Variants in PDE7A observed in about 807,000 individuals in gnomAD.
PDE7A encodes the protein phosphodiesterase 7A.
A neutral mutation model predicts 64.3 loss-of-function variants in PDE7A; 39 were observed. That is an observed-to-expected ratio of 0.61 (90% CI 0.47 to 0.79). The LOEUF is 0.79. Ranked by LOEUF, PDE7A falls within the 30% of genes least tolerant of loss-of-function variation. The pLI, the probability that PDE7A is intolerant of heterozygous loss-of-function variation, is 0.00. For missense variants in PDE7A, 470 were observed against 582.8 expected (o/e 0.81, Z 1.99); for synonymous variants, 203 against 206.8 (o/e 0.98, Z 0.16).
intron 5 of PDE7A, among the ~76,000 whole-genome samples, chr8:65,741,333 TAA>T (rs2128902670): frequency 6.6e-6 from 1 of 152,244 alleles, no homozygotes; most frequent in South Asian, 2.1e-4. Context: ...CAAAAATGTA[TAA>T]AAGACATACT....
intron 1 of PDE7A, among the ~76,000 whole-genome samples, chr8:65,834,372 A>T (rs1315064701): frequency 2.6e-5 from 4 of 152,204 alleles, no homozygotes. Flanking sequence ...TCAACTGTTT[A>T]TGTTATCAGT....
Position 65,841,560 on chromosome 8 carries a change from G to GCT in PDE7A, c.-53_-52insAG. On this transcript the variant is annotated 5_prime_UTR_variant, in exon 1 of 13. Coordinates refer to ENST00000401827, the MANE Select transcript of PDE7A (RefSeq NM_001242318.3). The stretch of plus-strand genomic sequence containing the variant: ...GGCGCCCGCCCTGCCGCGGCCGCCG[G>GCT]CCCCTGCAGTGGGAGGGGGCCGCGG... 2 of 1,249,776 alleles carry GCT rather than the reference G, an allele frequency of 1.6e-6. No individual in the cohort carries two copies. Among genetic ancestry groups the GCT allele is most frequent in the Non-Finnish European group, 1.0e-6 (1 of 971,072 alleles). The allele number at this position is 1,249,776 out of a possible 1,614,324, so 77.4% of individuals were successfully genotyped here.
At chr8:65,735,793 T>G (rs1807105490) in intron 6 of PDE7A, among the ~76,000 whole-genome samples, 1 of 152,096 alleles carries the variant, frequency 6.6e-6, no homozygotes, top group Non-Finnish European at 1.5e-5. Flanking sequence ...GCTCGGCTAA[T>G]TTTTGTATTT....
chr8:65,793,273 A>G (rs1011726800), intron 1 of PDE7A, among the ~76,000 whole-genome samples: 2 of 152,192 alleles, frequency 1.3e-5, no homozygotes, highest in Non-Finnish European at 2.9e-5. Flanking sequence ...CTTGTTCCAC[A>G]GTTTATTTAC....
chr8:65,739,341 C>T (rs915648427), intron 6 of PDE7A, among the ~76,000 whole-genome samples, 161 bp downstream of exon 6: 2 of 152,126 alleles, frequency 1.3e-5, no homozygotes, highest in Non-Finnish European at 2.9e-5. Context: ...ATTTAACAGC[C>T]CCACAGATGC....
At chr8:65,839,723 T>C (rs1563527266) in intron 1 of PDE7A, among the ~76,000 whole-genome samples, 3 of 152,180 alleles carry the variant, frequency 2.0e-5, no homozygotes, top group South Asian at 2.1e-4. Flanking sequence ...CCATTACCCA[T>C]TTAAACCTAA....
chr8:65,755,361 G>C (rs1808177878), intron 3 of PDE7A, among the ~76,000 whole-genome samples: 1 of 151,988 alleles, frequency 6.6e-6, no homozygotes, highest in East Asian at 1.9e-4. Flanking sequence ...GTTTTGTTTT[G>C]TTTTGTTTGT....
rs895963961 is a variant in PDE7A at position 65,816,903 on chromosome 8, A to T, written c.138+24468T>A. 4.6e-5 allele frequency among the ~76,000 whole-genome samples: 7 copies of T among 152,328 alleles called. No individual in the cohort carries two copies. The South Asian group carries it at 1.4e-3, about 32-fold the overall frequency. On this transcript the variant is annotated intron_variant, in intron 1 of 12. Coordinates refer to ENST00000401827, the MANE Select transcript of PDE7A (RefSeq NM_001242318.3). ...CATCAAATATGAGAAGTTGTCCAAA[A>T]GGTCATTTTTCTGACCCTTTCTCCT... is the stretch of plus-strand genomic sequence containing the variant.
chr8:65,776,702 C>T (rs1312102137), intron 3 of PDE7A, among the ~76,000 whole-genome samples: 2 of 152,136 alleles, frequency 1.3e-5, no homozygotes, highest in Non-Finnish European at 2.9e-5. Flanking sequence ...GTCACTGTTA[C>T]TTTACAGAAC....
Position 65,782,765 on chromosome 8 carries a change from AAAAT to A in PDE7A, c.199+14_199+17del, listed in dbSNP as rs773495121. 10 of 1,441,038 alleles carry A rather than the reference AAAAT, an allele frequency of 6.9e-6. No individual in the cohort carries two copies. Among genetic ancestry groups the A allele is most frequent in the African/African-American group, 2.8e-5 (2 of 70,716 alleles). 89.3% of individuals were successfully genotyped at this position (1,441,038 alleles called of 1,614,324 possible). ...TAACAAAATTAACTGATATTGGTAT[AAAAT>A]AAATAATGCTTACCTAGCATACGAA... On this transcript the variant is annotated intron_variant, in intron 2 of 12. Coordinates refer to ENST00000401827, the MANE Select transcript of PDE7A (RefSeq NM_001242318.3).
intron 3 of PDE7A, among the ~76,000 whole-genome samples, chr8:65,751,007 T>C (rs540195559): frequency 1.3e-5 from 2 of 152,334 alleles, no homozygotes; most frequent in South Asian, 4.1e-4. Context: ...GGACCTTCAC[T>C]TAATGATATA....
chr8:65,769,059 C>A (rs1455177709), intron 3 of PDE7A, among the ~76,000 whole-genome samples: 2 of 151,862 alleles, frequency 1.3e-5, no homozygotes, highest in Non-Finnish European at 2.9e-5. Flanking sequence ...ACCAGCCTGG[C>A]CAACATGGTG....
chr8:65,743,933 A>G (rs1379550206), intron 5 of PDE7A, among the ~76,000 whole-genome samples: 3 of 151,590 alleles, frequency 2.0e-5, no homozygotes, highest in Non-Finnish European at 4.4e-5. Flanking sequence ...CCCAGATTCA[A>G]GCAATTCTCC....
intron 1 of PDE7A, among the ~76,000 whole-genome samples, chr8:65,799,473 A>G (rs1238740330): frequency 6.6e-6 from 1 of 152,230 alleles, no homozygotes; most frequent in African/African-American, 2.4e-5. Flanking sequence ...TCTAGGTCCC[A>G]GAGTGGAATG....
intron 1 of PDE7A, chr8:65,788,853 T>C (rs1374073974): frequency 1.4e-6 from 2 of 1,426,748 alleles, no homozygotes; most frequent in African/African-American, 2.8e-5. Context: ...ATGATGAATG[T>C]CACCATCCTA....
chr8:65,716,303 T>G lies in PDE7A; in HGVS notation c.*2987A>C, dbSNP rs1806143799. ...TGGAAATAGGATGATCTTTTCAGTT[T>G]CAAACTATAAGAGAAACAATGGATC... On this transcript the variant is annotated 3_prime_UTR_variant, in exon 13 of 13. Transcript: ENST00000401827. Among the ~76,000 whole-genome samples, 1 of 152,124 alleles carries G rather than the reference T, an allele frequency of 6.6e-6. No homozygotes were observed. The highest frequency in any genetic ancestry group is 1.5e-5 in the Non-Finnish European group (1 of 68,028).
At chr8:65,800,825 G>A (rs1431772200) in intron 1 of PDE7A, among the ~76,000 whole-genome samples, 1 of 152,174 alleles carries the variant, frequency 6.6e-6, no homozygotes, top group Non-Finnish European at 1.5e-5. Context: ...AGGGCTTAAA[G>A]TTTCGTCCAG....
intron 6 of PDE7A, among the ~76,000 whole-genome samples, 182 bp from the exon 7 acceptor site, chr8:65,735,076 A>G (rs1444620374): frequency 1.3e-5 from 2 of 152,176 alleles, no homozygotes; most frequent in Non-Finnish European, 2.9e-5. Context: ...ATCAATATCA[A>G]TTTGACTCTC....
intron 3 of PDE7A, among the ~76,000 whole-genome samples, chr8:65,772,352 G>A (rs1809125020): frequency 6.6e-6 from 1 of 152,124 alleles, no homozygotes; most frequent in African/African-American, 2.4e-5. Context: ...TCTATACAAG[G>A]TAGAGGGCAC....
Sources: allele counts gnomAD v4.1 joint callset (sites outside exome capture counted in the v4.1 genomes callset), GRCh38; gene constraint gnomAD v4.1.1; transcripts MANE v1.5; gene names NCBI Gene and HGNC (gene_info 2026-07-23, HGNC 2026-07-21).